Variants in FGF13 observed in about 807,000 individuals in gnomAD.
FGF13 encodes the protein fibroblast growth factor 13, also known as fibroblast growth factor homologous factor 2.
FGF13 carries 2 observed loss-of-function variants against 19.5 expected under a neutral mutation model. The observed-to-expected ratio is 0.10, with a 90% CI of 0.04 to 0.32. FGF13 has a LOEUF of 0.32. Ranked by LOEUF, FGF13 falls within the 10% of genes least tolerant of loss-of-function variation. The probability of loss-of-function intolerance (pLI) is 1.00; values close to 1 mark genes in which losing one functional copy is unlikely to be tolerated. For missense variants in FGF13, 113 were observed against 192.7 expected (o/e 0.59, Z 2.45); for synonymous variants, 72 against 76.9 (o/e 0.94, Z 0.33).
At chrX:139,052,341 T>C (rs1234311264) in intron 1 of FGF13, among the ~76,000 whole-genome samples, 1 of 112,166 alleles carries the variant, frequency 8.9e-6, no homozygotes, top group Non-Finnish European at 1.9e-5. Flanking sequence ...ATCCCAGCCA[T>C]TTAGTCCACC....
intron 1 of FGF13, among the ~76,000 whole-genome samples, chrX:138,727,367 C>G (rs755190285): frequency 2.9e-4 from 32 of 110,217 alleles, no homozygotes; most frequent in Non-Finnish European, 6.1e-4. Context: ...ATCTGTAGAT[C>G]TCTTCAACAA....
At chrX:139,000,163 C>T (rs953157905) in intron 1 of FGF13, among the ~76,000 whole-genome samples, 3 of 111,751 alleles carry the variant, frequency 2.7e-5, no homozygotes, top group Non-Finnish European at 3.8e-5. Context: ...TCTCAATAAA[C>T]TAGTTATTTT....
chrX:139,013,577 TC>T lies in FGF13; in HGVS notation c.-112-148928del, dbSNP rs1250068613. On this transcript the variant is annotated intron_variant, in intron 1 of 2. Coordinates refer to the FGF13 transcript ENST00000421460. ...ATAAAAAGGAATGAAATATTGGCAT[TC>T]ACAGCAACCTTGATGGAATTGGAGA... 4.0e-5 allele frequency among the ~76,000 whole-genome samples: 4 copies of T among 100,477 alleles called. No individual in the cohort carries two copies. In the East Asian group the frequency reaches 1.3e-3, roughly 32 times the overall value. The allele number at this position is 100,477 out of a possible 115,157, so 87.3% of individuals were successfully genotyped here. A position where few individuals can be genotyped will look rare whatever the true frequency, so the allele number is the denominator to read the frequency against.
chrX:138,934,889 C>T (rs772299397), intron 1 of FGF13, among the ~76,000 whole-genome samples: 2 of 92,296 alleles, frequency 2.2e-5, no homozygotes, highest in South Asian at 5.8e-4. Context: ...AAAGGTCCCA[C>T]ATCCAGTAAG....
chrX:139,106,466 C>G (rs2083561025), intron 1 of FGF13, among the ~76,000 whole-genome samples: 1 of 112,086 alleles, frequency 8.9e-6, no homozygotes, highest in African/African-American at 3.2e-5. Context: ...CAGAGTTTTG[C>G]AATTTCCTGC....
intron 3 of FGF13, among the ~76,000 whole-genome samples, chrX:138,786,422 A>G (rs1297297196): frequency 8.9e-6 from 1 of 111,774 alleles, no homozygotes; most frequent in Non-Finnish European, 1.9e-5. Flanking sequence ...AAATCAAAAG[A>G]CCATGGCAGC....
At chrX:138,768,714 T>TAC (rs1569388460) in intron 3 of FGF13, among the ~76,000 whole-genome samples, 4 of 99,868 alleles carry the variant, frequency 4.0e-5, no homozygotes, top group African/African-American at 1.6e-4. Flanking sequence ...TATATATATA[T>TAC]ATAAGTATAT....
Position 139,176,249 on chromosome X carries a change from C to T in FGF13, c.-113+27167G>A, listed in dbSNP as rs191817244. 3.8e-3 allele frequency among the ~76,000 whole-genome samples: 428 copies of T among 111,236 alleles called. 1 individual carries two copies. The highest frequency in any genetic ancestry group is 6.4e-3 in the Non-Finnish European group (341 of 53,009). ...GTTTCTGTGGGATCAGTGGTGATAT[C>T]CCGTTTATCATTTTTTATTGTGTCT... On this transcript the variant is annotated intron_variant, in intron 1 of 2. Transcript: ENST00000421460.
intron 1 of FGF13, among the ~76,000 whole-genome samples, chrX:138,945,198 T>C (rs914162018): frequency 1.8e-5 from 2 of 111,487 alleles, no homozygotes; most frequent in African/African-American, 6.5e-5. Flanking sequence ...GGCTTGAATT[T>C]TTGTTTCCTA....
chrX:138,928,630 C>T (rs1208735925), intron 1 of FGF13, among the ~76,000 whole-genome samples: 1 of 111,197 alleles, frequency 9.0e-6, no homozygotes, highest in Admixed American at 9.6e-5. Flanking sequence ...AAACAAAGTT[C>T]CTCTCAGAAA....
intron 1 of FGF13, among the ~76,000 whole-genome samples, chrX:139,150,960 T>C: frequency 9.0e-6 from 1 of 110,930 alleles, no homozygotes. Flanking sequence ...ACTCTGTCCA[T>C]ATCCTTTTAA....
At chrX:139,067,575 A>C (rs1272657034) in intron 1 of FGF13, among the ~76,000 whole-genome samples, 2 of 112,109 alleles carry the variant, frequency 1.8e-5, no homozygotes, top group African/African-American at 6.5e-5. Context: ...ACAACTTACA[A>C]GGGACAAGAA....
chrX:138,943,641 T>C (rs2091769018), intron 1 of FGF13, among the ~76,000 whole-genome samples: 2 of 111,970 alleles, frequency 1.8e-5, no homozygotes, highest in South Asian at 7.5e-4. Context: ...AATAGCTAAG[T>C]GGATCTTCAT....
At chrX:138,741,356 C>T (rs142971975), upstream of FGF13, among the ~76,000 whole-genome samples, 102 of 111,707 alleles carry the variant, frequency 9.1e-4, no homozygotes, top group African/African-American at 3.1e-3. Flanking sequence ...ATGGGAGCAG[C>T]TCAATCTGTT....
intron 3 of FGF13, among the ~76,000 whole-genome samples, chrX:138,751,186 G>A (rs2090395574): frequency 9.0e-6 from 1 of 111,002 alleles, no homozygotes; most frequent in African/African-American, 3.3e-5. Flanking sequence ...AAGAAAAGGA[G>A]GTGAGGAAGT....
intron 1 of FGF13, among the ~76,000 whole-genome samples, chrX:138,970,717 G>A (rs938211491): frequency 1.8e-4 from 20 of 111,020 alleles, no homozygotes; most frequent in African/African-American, 6.2e-4. Context: ...ACTGGTCTTC[G>A]TCTGCTTGAG....
At chrX:138,882,169 A>G (rs2091429245) in intron 1 of FGF13, among the ~76,000 whole-genome samples, 1 of 110,973 alleles carries the variant, frequency 9.0e-6, no homozygotes, top group Non-Finnish European at 1.9e-5. Flanking sequence ...TTGGTTGTTC[A>G]AAATTCCTGA....
At chrX:138,927,687 T>A (rs141792138) in intron 1 of FGF13, among the ~76,000 whole-genome samples, 1 of 111,866 alleles carries the variant, frequency 8.9e-6, no homozygotes, top group Non-Finnish European at 1.9e-5. Context: ...TGATATGTGC[T>A]GAACACCATT....
At position 138,897,048 on chromosome X, in the gene FGF13, C is replaced by G. The variant is rs775807157; in HGVS notation, c.-112-32398G>C. On this transcript the variant is annotated intron_variant, in intron 1 of 2. Coordinates refer to the FGF13 transcript ENST00000421460. ...ACCTTGAGACAGGGTCTGGCTCTGT[C>G]ACCTAGGCTGGGGTGCAGTGGTATG... 1.9e-3 allele frequency among the ~76,000 whole-genome samples: 208 copies of G among 111,932 alleles called. 2 individuals are homozygous for G. The highest frequency in any genetic ancestry group is 3.5e-3 in the Non-Finnish European group (184 of 53,137).
Sources: allele counts gnomAD v4.1 joint callset (sites outside exome capture counted in the v4.1 genomes callset), GRCh38; gene constraint gnomAD v4.1.1; transcripts MANE v1.5; gene names NCBI Gene and HGNC (gene_info 2026-07-23, HGNC 2026-07-21).